The following GTF2F2 variants were observed in gnomAD, a reference collection of about 807,000 sequenced individuals.
GTF2F2 encodes ATP-dependent helicase GTF2F2.
Under a neutral mutation model 42.2 loss-of-function variants are expected in GTF2F2, and 23 were observed. That is an observed-to-expected ratio of 0.55 (90% CI 0.39 to 0.77). The LOEUF (loss-of-function observed/expected upper bound fraction) is 0.77, where lower values mean the gene tolerates loss of function less well. GTF2F2 is among the 30% of genes least tolerant of loss of function. The probability of loss-of-function intolerance (pLI) is 0.00; values close to 1 mark genes in which losing one functional copy is unlikely to be tolerated. For synonymous variants in GTF2F2, 105 were observed against 100.8 expected, an observed-to-expected ratio of 1.04 and a Z score of -0.25; for missense variants, 261 against 287.2, an observed-to-expected ratio of 0.91 and a Z score of 0.66.
intron 7 of GTF2F2, among the ~76,000 whole-genome samples, chr13:45,282,944 T>C (rs1593535314): frequency 1.3e-5 from 2 of 152,326 alleles, no homozygotes; most frequent in Admixed American, 1.3e-4. Context: ...GAACTCACCT[T>C]AGAACTGAGA....
intron 4 of GTF2F2, among the ~76,000 whole-genome samples, chr13:45,197,080 T>C (rs1040795880): frequency 2.0e-5 from 3 of 152,006 alleles, no homozygotes; most frequent in Non-Finnish European, 4.4e-5. Context: ...AGTTGACATG[T>C]GTGATTTCTT....
intron 1 of GTF2F2, among the ~76,000 whole-genome samples, chr13:45,125,307 TTTTTTG>T (rs767551625): frequency 3.9e-5 from 6 of 152,170 alleles, no homozygotes; most frequent in African/African-American, 7.2e-5. Flanking sequence ...CTCTCTGTTT[TTTTTTG>T]TTTTTGTTTT....
intron 4 of GTF2F2, among the ~76,000 whole-genome samples, chr13:45,183,438 A>G (rs1280510620): frequency 1.3e-5 from 2 of 152,088 alleles, no homozygotes; most frequent in Non-Finnish European, 2.9e-5. Flanking sequence ...CTACTGTCAT[A>G]TCTACCTCTC....
intron 4 of GTF2F2, among the ~76,000 whole-genome samples, chr13:45,181,658 T>G (rs1872173003): frequency 6.6e-6 from 1 of 152,164 alleles, no homozygotes; most frequent in South Asian, 2.1e-4. Flanking sequence ...TAAGTGATCT[T>G]CATATTTCGG....
intron 4 of GTF2F2, chr13:45,206,284 G>C (rs1042619498): frequency 6.6e-6 from 1 of 152,098 alleles, no homozygotes; most frequent in African/African-American, 2.4e-5. Flanking sequence ...ACTAAAAAAA[G>C]ATTTTTTAGT....
At chr13:45,225,265 A>G (rs1469839774) in intron 5 of GTF2F2, among the ~76,000 whole-genome samples, 3 of 152,226 alleles carry the variant, frequency 2.0e-5, no homozygotes, top group Admixed American at 6.5e-5. Context: ...ATATAATGTC[A>G]TATTCGACCT....
At chr13:45,228,077 G>A (rs1874453889) in intron 5 of GTF2F2, among the ~76,000 whole-genome samples, 1 of 151,354 alleles carries the variant, frequency 6.6e-6, no homozygotes, top group South Asian at 2.1e-4. Context: ...TTCTTGAGCA[G>A]TACCTGACAT....
chr13:45,135,043 TCC>T (rs1266405942), intron 1 of GTF2F2, among the ~76,000 whole-genome samples: 1 of 151,320 alleles, frequency 6.6e-6, no homozygotes, highest in East Asian at 2.0e-4. Context: ...AACCTCCACC[TCC>T]TGGGTTCAAG....
chr13:45,134,974 A>C (rs7328222), intron 1 of GTF2F2, among the ~76,000 whole-genome samples: 33,738 of 149,514 alleles, frequency 0.23, 4,059 homozygotes, highest in African/African-American at 0.29. Flanking sequence ...TTTTTTTGAC[A>C]CAAGAGTCTC....
intron 1 of GTF2F2, chr13:45,124,192 C>T (rs1002021487): frequency 9.6e-6 from 4 of 416,504 alleles, no homozygotes; most frequent in Non-Finnish European, 1.9e-5. Flanking sequence ...AAGCGATTCT[C>T]CTGCCTCAGC....
intron 5 of GTF2F2, among the ~76,000 whole-genome samples, chr13:45,241,184 AATATATAT>A (rs71697631): frequency 6.9e-6 from 1 of 143,888 alleles, no homozygotes; most frequent in African/African-American, 2.5e-5. Flanking sequence ...ATAAATATAA[AATATATAT>A]ATATATATAT....
chr13:45,230,838 A>G (rs867931309), intron 5 of GTF2F2, among the ~76,000 whole-genome samples: 4 of 152,194 alleles, frequency 2.6e-5, no homozygotes, highest in South Asian at 4.1e-4. Context: ...GGTGTCAGCT[A>G]AAAGTTCTTA....
intron 4 of GTF2F2, among the ~76,000 whole-genome samples, chr13:45,204,139 G>GT (rs1566134320): frequency 6.6e-6 from 1 of 151,954 alleles, no homozygotes; most frequent in African/African-American, 2.4e-5. Flanking sequence ...TTAAATTTAG[G>GT]TTTTTTAAGC....
At chr13:45,146,219 G>T (rs1870185925) in intron 2 of GTF2F2, among the ~76,000 whole-genome samples, 1 of 152,144 alleles carries the variant, frequency 6.6e-6, no homozygotes, top group Non-Finnish European at 1.5e-5. Flanking sequence ...AACAAGGCCT[G>T]GTGCGGTGGC....
intron 6 of GTF2F2, among the ~76,000 whole-genome samples, chr13:45,255,115 G>C (rs550653668): frequency 7.3e-6 from 1 of 137,738 alleles, no homozygotes; most frequent in African/African-American, 2.8e-5. Context: ...GCAGTGAGCC[G>C]AGATCACACC....
intron 6 of GTF2F2, among the ~76,000 whole-genome samples, chr13:45,254,894 C>T (rs549954249): frequency 1.6e-4 from 24 of 152,068 alleles, no homozygotes; most frequent in Non-Finnish European, 2.6e-4. Context: ...TGGCAGAGTG[C>T]GGTGGCTCAC....
chr13:45,120,676 C>A lies in GTF2F2; in HGVS notation c.21C>A (p.Leu7=), dbSNP rs776144510. 2 of 1,560,950 alleles carry A rather than the reference C, an allele frequency of 1.3e-6. No individual in the cohort carries two copies. Among genetic ancestry groups the A allele is most frequent in the African/African-American group, 1.4e-5 (1 of 73,982 alleles). Residue 7 remains leucine, a synonymous_variant, in exon 1 of 8, where the codon CTC becomes CTA. Transcript: ENST00000340473. ...GACCCATGGCCGAGCGCGGGGAACT[C>A]GACTTGACCGGCGCCAAACAGAACA... MAERGE[L]DLTGAKQNTG...
intron 5 of GTF2F2, among the ~76,000 whole-genome samples, chr13:45,211,878 G>A (rs531878742): frequency 1.4e-4 from 22 of 152,146 alleles, no homozygotes; most frequent in African/African-American, 5.1e-4. Context: ...AATCCACTGC[G>A]CCAGCCCAGG....
intron 1 of GTF2F2, among the ~76,000 whole-genome samples, chr13:45,135,311 T>C (rs1869561923): frequency 6.6e-6 from 1 of 151,512 alleles, no homozygotes; most frequent in African/African-American, 2.4e-5. Context: ...AGACGGAGTA[T>C]TGCTCTGGCG....
Sources: gnomAD v4.1 joint callset for allele counts (sites outside exome capture counted in the v4.1 genomes callset) on GRCh38, gnomAD v4.1.1 for gene constraint, MANE v1.5 for transcripts, NCBI Gene and HGNC (gene_info 2026-07-23, HGNC 2026-07-21) for gene names.